Variants in NSF observed in about 807,000 individuals in gnomAD.
NSF encodes vesicle-fusing ATPase.
In NSF, 14 loss-of-function variants were observed where a neutral mutation model predicts 50.3. That is an observed-to-expected ratio of 0.28 (90% confidence interval 0.18 to 0.44). The LOEUF is 0.44. Among genes scored for constraint, NSF ranks in the 20% least tolerant of loss-of-function variants. NSF has a pLI of 1.00. For synonymous variants in NSF, 109 were observed against 175.7 expected (o/e 0.62, Z 3.00); for missense variants, 218 against 504.3 (o/e 0.43, Z 5.44).
chr17:46,750,844 CAA>C (rs1248382314), intron 18 of NSF, among the ~76,000 whole-genome samples: 3 of 115,936 alleles, frequency 2.6e-5, no homozygotes, highest in Non-Finnish European at 3.7e-5. Flanking sequence ...TTAGAAATGT[CAA>C]AAAAAAAAAA....
At chr17:46,727,891 G>C (rs2058907375) in intron 16 of NSF, among the ~76,000 whole-genome samples, 1 of 152,144 alleles carries the variant, frequency 6.6e-6, no homozygotes, top group Non-Finnish European at 1.5e-5. Context: ...TCCTCCTCTG[G>C]TAGAAGTATT....
In NSF at chr17:46,710,869, A is replaced by G. The variant is rs1598703141; in HGVS notation, c.1471-94A>G. On this transcript the variant is annotated intron_variant, in intron 13 of 20. Transcript: ENST00000398238. ...TTATATTAATATGGGATAGTGATCA[A>G]TACCTTTAGCATGTACGGATTATAA... 3 of 1,093,822 alleles carry G rather than the reference A, an allele frequency of 2.7e-6. No homozygotes were observed. The East Asian group carries it at 8.7e-5, about 32-fold the overall frequency. 67.8% of individuals were successfully genotyped at this position (1,093,822 alleles called of 1,614,324 possible).
At chr17:46,724,081 C>T (rs965111932) in intron 15 of NSF, among the ~76,000 whole-genome samples, 1 of 152,180 alleles carries the variant, frequency 6.6e-6, no homozygotes, top group African/African-American at 2.4e-5. Context: ...CTGCAGTGTT[C>T]CTGAATGTTC....
At chr17:46,729,929 G>A (rs749345387) in intron 17 of NSF, among the ~76,000 whole-genome samples, 4 of 152,052 alleles carry the variant, frequency 2.6e-5, no homozygotes, top group Admixed American at 6.6e-5. Context: ...CAACATATGT[G>A]TACTGTGGAA....
At chr17:46,750,494 G>C (rs2059171716) in intron 18 of NSF, among the ~76,000 whole-genome samples, 1 of 152,140 alleles carries the variant, frequency 6.6e-6, no homozygotes, top group Non-Finnish European at 1.5e-5. Context: ...ATGTCATGTT[G>C]GCACTCAGAA....
intron 17 of NSF, among the ~76,000 whole-genome samples, chr17:46,729,511 T>G (rs2058927205): frequency 6.8e-6 from 1 of 147,636 alleles, no homozygotes; most frequent in Non-Finnish European, 1.5e-5. Flanking sequence ...TTTGGTAGGT[T>G]AACAAATTTA....
At chr17:46,638,577 A>G (rs2058204285) in intron 5 of NSF, among the ~76,000 whole-genome samples, 1 of 109,322 alleles carries the variant, frequency 9.1e-6, no homozygotes, top group Non-Finnish European at 1.7e-5. Context: ...GGGTTTCACC[A>G]TGTTAATCAG....
intron 13 of NSF, 115 bp downstream of exon 13, chr17:46,704,969 A>G: frequency 1.1e-6 from 1 of 889,460 alleles, no homozygotes; most frequent in Non-Finnish European, 1.6e-6. Flanking sequence ...ATGCAGTTTC[A>G]TAAAATGAGA....
At chr17:46,705,505 G>C (rs1325044802) in intron 13 of NSF, among the ~76,000 whole-genome samples, 1 of 145,478 alleles carries the variant, frequency 6.9e-6, no homozygotes, top group African/African-American at 2.5e-5. Flanking sequence ...AGAGTCCTGT[G>C]TTAATACAAA....
At chr17:46,681,828 C>G (rs1161417465) in intron 9 of NSF, among the ~76,000 whole-genome samples, 2 of 38,396 alleles carry the variant, frequency 5.2e-5, no homozygotes, top group African/African-American at 2.5e-4. Context: ...TGGTGCAAGT[C>G]CATTCACTAT....
chr17:46,753,931 G>A (rs1049152018), intron 19 of NSF, among the ~76,000 whole-genome samples: 2 of 152,164 alleles, frequency 1.3e-5, no homozygotes, highest in African/African-American at 4.8e-5. Context: ...TTCACTACAT[G>A]CTATTCTGTT....
At position 46,717,539 on chromosome 17, in the gene NSF, C is replaced by T. The variant is rs189130525; in HGVS notation, c.1761+3553C>T. On this transcript the variant is annotated intron_variant, in intron 15 of 20. Transcript: ENST00000398238. ...CAGCCTGACTAACATGGTGAAACCC[C>T]GTCTCTACTAAAAATACAAAAATTA... Among the ~76,000 whole-genome samples, 159 of 152,030 alleles carry T rather than the reference C, an allele frequency of 1.0e-3. 2 individuals are homozygous for T. In the Middle Eastern group the frequency reaches 0.024, roughly 23 times the overall value.
At chr17:46,732,846 C>CG (rs766570257) in intron 17 of NSF, among the ~76,000 whole-genome samples, 8 of 152,044 alleles carry the variant, frequency 5.3e-5, no homozygotes, top group South Asian at 2.1e-4. Context: ...GGAGCCAAGC[C>CG]GGAAAAAAGG....
intron 19 of NSF, among the ~76,000 whole-genome samples, chr17:46,752,762 A>G (rs2059193876): frequency 6.6e-6 from 1 of 151,350 alleles, no homozygotes; most frequent in Non-Finnish European, 1.5e-5. Context: ...GGCCCTCGGT[A>G]ACTTTTTTTC....
intron 16 of NSF, among the ~76,000 whole-genome samples, chr17:46,727,561 A>G (rs934762997): frequency 6.6e-6 from 1 of 151,956 alleles, no homozygotes; most frequent in Non-Finnish European, 1.5e-5. Context: ...GTCCTCTGTT[A>G]TTTATTTTTT....
At chr17:46,699,197 G>GT (rs2058616298) in intron 12 of NSF, among the ~76,000 whole-genome samples, 2 of 104,348 alleles carry the variant, frequency 1.9e-5, no homozygotes, top group Admixed American at 9.9e-5. Flanking sequence ...CTGTTAAACT[G>GT]TTTTTTCAGG....
At chr17:46,690,517 C>A (rs2058536114) in intron 9 of NSF, among the ~76,000 whole-genome samples, 1 of 55,122 alleles carries the variant, frequency 1.8e-5, no homozygotes, top group African/African-American at 9.0e-5. Context: ...GAGTCTGAGG[C>A]AGGAGAATGG....
At chr17:46,755,719 G>A (rs1023981058) in intron 20 of NSF, 83 bp from the exon 21 acceptor site, 9 of 1,156,348 alleles carry the variant, frequency 7.8e-6, no homozygotes, top group Non-Finnish European at 1.1e-5. Context: ...GAAGCTTTTA[G>A]TGATTTTTTT....
chr17:46,756,813 C>T lies in NSF; in HGVS notation c.*990C>T, dbSNP rs969828171. 1 of 152,640 alleles carries T rather than the reference C, an allele frequency of 6.6e-6. No individual in the cohort carries two copies. The highest frequency in any genetic ancestry group is 2.4e-5 in the African/African-American group (1 of 41,440). The allele number at this position is 152,640 out of a possible 1,614,324, so 9.5% of individuals were successfully genotyped here. A position where few individuals can be genotyped will look rare whatever the true frequency, so the allele number is the denominator to read the frequency against. On this transcript the variant is annotated 3_prime_UTR_variant, in exon 21 of 21. Coordinates refer to ENST00000398238, the MANE Select transcript of NSF (RefSeq NM_006178.4). ...GAAAAATCAATCATTTTCTAGCCCT[C>T]TCCCTCAGTCCTTTATTGTCCATTC...
Sources: allele counts gnomAD v4.1 joint callset (sites outside exome capture counted in the v4.1 genomes callset), GRCh38; gene constraint gnomAD v4.1.1; transcripts MANE v1.5; gene names NCBI Gene and HGNC (gene_info 2026-07-23, HGNC 2026-07-21).